The following ALS2 variants were observed in gnomAD, a reference collection of about 807,000 sequenced individuals.
The protein encoded by ALS2 is alsin.
A neutral mutation model predicts 203.4 loss-of-function variants in ALS2; 117 were observed. The observed-to-expected ratio is 0.58, with a 90% CI of 0.50 to 0.67. The LOEUF (loss-of-function observed/expected upper bound fraction) is 0.67. Ranked by LOEUF, ALS2 falls within the 30% of genes least tolerant of loss-of-function variation. The pLI is 0.00. For missense variants in ALS2, 1,715 were observed against 1,989.4 expected (o/e 0.86, Z 2.62); for synonymous variants, 718 against 725.9 (o/e 0.99, Z 0.17).
In ALS2 at chr2:201,749,743, T is replaced by C. The variant is rs1444291384; in HGVS notation, c.1784A>G (p.Asp595Gly). 5.0e-6 allele frequency: 8 copies of C among 1,613,954 alleles called. No homozygotes were observed. In the Admixed American group the frequency reaches 1.3e-4, roughly 27 times the overall value. ...SNTFGQLGHSDFPTTVPRLAK... is the reference protein window; with the variant it reads ...SNTFGQLGHSGFPTTVPRLAK... ...AAGACGAGGAACTGTTGTTGGAAAA[T>C]CGGAATGCCCAAGTTGACCAAAGGT... The change falls in exon 8 of 34, where the codon GAT becomes GGT. Residue 595 changes from aspartate (D) to glycine (G), a missense_variant. Physicochemically the swap from Asp to Gly is moderately conservative, Grantham distance 94. This residue lies in a region of ALS2 where 1,227 missense variants were observed against 1,413.5 expected (regional missense o/e 0.87). Transcript: ENST00000264276.
intron 10 of ALS2, among the ~76,000 whole-genome samples, chr2:201,744,019 C>T (rs1360321548): frequency 1.3e-5 from 2 of 152,140 alleles, no homozygotes; most frequent in Non-Finnish European, 2.9e-5. Flanking sequence ...CTAAAAGTTC[C>T]ATTTTCTACT....
At position 201,709,930 on chromosome 2, in the gene ALS2, C is replaced by A; in HGVS notation, c.4231G>T (p.Ala1411Ser). The A allele has an allele frequency of 2.5e-6, 4 of 1,614,162 alleles. No individual in the cohort carries two copies. Among genetic ancestry groups the A allele is most frequent in the Non-Finnish European group, 3.4e-6 (4 of 1,179,996 alleles). Residue 1411 changes from alanine to serine, a missense_variant, in exon 27 of 34, where the codon GCT becomes TCT. Ala to Ser is a moderately conservative substitution (Grantham distance 99). Coordinates refer to ENST00000264276, the MANE Select transcript of ALS2 (RefSeq NM_020919.4). ...AGATAGGACTTAATCTCCTTTACAGCCTCCTGCAATAACCTGCGGTTGGCT... is the reference window on the plus strand; with the variant it reads ...AGATAGGACTTAATCTCCTTTACAGACTCCTGCAATAACCTGCGGTTGGCT... Reference protein sequence around the residue: ...VGANRRLLQEAVKEIKSYLKR... With the variant: ...VGANRRLLQESVKEIKSYLKR...
chr2:201,723,554 A>G, intron 21 of ALS2, 113 bp from the exon 22 acceptor site: 1 of 879,610 alleles, frequency 1.1e-6, no homozygotes. Context: ...TATTGCTTCC[A>G]TTTTTCTAGT....
intron 13 of ALS2, among the ~76,000 whole-genome samples, chr2:201,731,742 G>A (rs1691567797): frequency 6.6e-6 from 1 of 152,094 alleles, no homozygotes; most frequent in African/African-American, 2.4e-5. Context: ...AGTTGATTTT[G>A]AACCCCTGTG....
At chr2:201,734,187 T>G (rs751462260) in intron 12 of ALS2, among the ~76,000 whole-genome samples, 47 of 152,094 alleles carry the variant, frequency 3.1e-4, no homozygotes, top group Non-Finnish European at 5.6e-4. Context: ...GCAGTAAGAG[T>G]TGGTGAGCTG....
chr2:201,726,249 A>T (rs1691155535), intron 19 of ALS2, among the ~76,000 whole-genome samples: 1 of 152,186 alleles, frequency 6.6e-6, no homozygotes, highest in Admixed American at 6.5e-5. Flanking sequence ...ATTTTAACAG[A>T]TGGAAGGCTG....
chr2:201,728,511 C>T lies in ALS2; in HGVS notation c.2841+1G>A. 6.2e-7 allele frequency: 1 copy of T among 1,614,092 alleles called. No homozygotes were observed. Among genetic ancestry groups the T allele is most frequent in the Non-Finnish European group, 8.5e-7 (1 of 1,180,020 alleles). On this transcript the variant is annotated splice_donor_variant, in intron 15 of 33. Transcript: ENST00000264276. LOFTEE classifies it high-confidence loss of function. The stretch of plus-strand genomic sequence containing the variant: ...CTTTTAAGGTTAGGAATCCAGCCTA[C>T]CTGGGCATGGACCAGGGCATCATTA...
chr2:201,731,471 T>C (rs552493760), intron 13 of ALS2, among the ~76,000 whole-genome samples: 1 of 152,222 alleles, frequency 6.6e-6, no homozygotes, highest in South Asian at 2.1e-4. Context: ...AAATCGGTAA[T>C]AATAATAATA....
chr2:201,731,158 T>A (rs1327805778), intron 13 of ALS2, among the ~76,000 whole-genome samples: 1 of 152,120 alleles, frequency 6.6e-6, no homozygotes, highest in East Asian at 1.9e-4. Context: ...ATTCTGAGAG[T>A]CACTCATTTT....
rs3731704 is a variant in ALS2 at position 201,738,424 on chromosome 2, A to G, written c.2417+246T>C. 0.59 allele frequency: 304,099 copies of G among 512,014 alleles called. 96,122 individuals carry two copies. The highest frequency in any genetic ancestry group is 0.71 in the Admixed American group (21,920 of 30,824). 31.7% of individuals were successfully genotyped at this position (512,014 alleles called of 1,614,324 possible). On this transcript the variant is annotated intron_variant, in intron 12 of 33. Transcript: ENST00000264276. ...GTAAAGAGAGTTGTCCAAAGTCTCA[A>G]GGATAGCACAGAAGGACCCCGAACC...
At chr2:201,702,292 T>C (rs917894357) in intron 33 of ALS2, among the ~76,000 whole-genome samples, 4 of 151,992 alleles carry the variant, frequency 2.6e-5, no homozygotes, top group Non-Finnish European at 5.9e-5. Flanking sequence ...ATTGCAGACC[T>C]GGGGAGTCAT....
At chr2:201,719,518 G>A (rs1690626199) in intron 23 of ALS2, among the ~76,000 whole-genome samples, 1 of 152,180 alleles carries the variant, frequency 6.6e-6, no homozygotes, top group Non-Finnish European at 1.5e-5. Context: ...GAACCCAGGA[G>A]GTGGAGGTTG....
rs548079181 is a variant in ALS2, at chr2:201,780,707, C to A, written c.-61+170G>T. Among the ~76,000 whole-genome samples the A allele has an allele frequency of 3.9e-5, 6 of 152,340 alleles. No homozygotes were observed. The South Asian group carries it at 6.2e-4, about 16-fold the overall frequency. ...GACCGGCAGGAGCAGTCGATCGCAC[C>A]CAGAGCTGGGAAAATGCGGGCGCCG... On this transcript the variant is annotated intron_variant, in intron 1 of 33. Coordinates refer to ENST00000264276, the MANE Select transcript of ALS2 (RefSeq NM_020919.4).
At chr2:201,746,285 G>C (rs992487897) in intron 9 of ALS2, among the ~76,000 whole-genome samples, 2 of 152,174 alleles carry the variant, frequency 1.3e-5, no homozygotes, top group African/African-American at 4.8e-5. Flanking sequence ...TGCTACAGCA[G>C]TGAATGAGAT....
intron 10 of ALS2, among the ~76,000 whole-genome samples, chr2:201,743,920 C>T (rs978583868): frequency 1.3e-5 from 2 of 152,110 alleles, no homozygotes; most frequent in African/African-American, 4.8e-5. Flanking sequence ...TCTCTTAGGA[C>T]CAGCAGGGGG....
Position 201,705,195 on chromosome 2 carries a change from CA to C in ALS2, c.4631del (p.Leu1544CysfsTer13). 2 of 1,613,970 alleles carry C rather than the reference CA, an allele frequency of 1.2e-6. No individual in the cohort carries two copies. Among genetic ancestry groups the C allele is most frequent in the African/African-American group, 1.3e-5 (1 of 75,008 alleles). ...CAAAACAAGCATCTTTCGTGGTTGG[CA>C]AAACCTGCAAAAAAGAGAGTGAAGG... The part of the protein sequence containing the change: ...LSILGESKKV[L>X]PTTKDACFAS... On this transcript the variant is annotated frameshift_variant, in exon 31 of 34. Transcript: ENST00000264276. LOFTEE classifies it high-confidence loss of function.
intron 13 of ALS2, among the ~76,000 whole-genome samples, chr2:201,731,513 G>A (rs531565684): frequency 5.9e-5 from 9 of 152,186 alleles, no homozygotes; most frequent in African/African-American, 2.2e-4. Context: ...GGGGATTAAA[G>A]TTATATGTAT....
Position 201,761,475 on chromosome 2 carries a change from T to C in ALS2, c.519A>G (p.Ala173=), listed in dbSNP as rs747832870. 2 of 1,609,184 alleles carry C rather than the reference T, an allele frequency of 1.2e-6. No homozygotes were observed. Among genetic ancestry groups the C allele is most frequent in the Non-Finnish European group, 1.7e-6 (2 of 1,175,820 alleles). Residue 173 remains alanine (A), a synonymous_variant, in exon 4 of 34, where the codon GCA becomes GCG. Transcript: ENST00000264276. ...GACCCAACTGACAACCGGTACCCCA[T>C]GCCCAAATCTCTCTGCTTATTGACA... ...LALSISREIW[A]WGTGCQLGLI... is the part of the protein sequence containing the mutation.
intron 12 of ALS2, among the ~76,000 whole-genome samples, chr2:201,738,018 T>C (rs186985100): frequency 6.6e-6 from 1 of 152,222 alleles, no homozygotes; most frequent in East Asian, 1.9e-4. Flanking sequence ...ACAGAATTTT[T>C]GGCCTGGCAC....
Sources: gnomAD v4.1 joint callset for allele counts (sites outside exome capture counted in the v4.1 genomes callset) on GRCh38, gnomAD v4.1.1 for gene constraint, gnomAD v4.1.1 regional missense constraint, MANE v1.5 for transcripts, NCBI Gene and HGNC (gene_info 2026-07-23, HGNC 2026-07-21) for gene names.